Variants in FBXL13 observed in about 807,000 individuals in gnomAD.
FBXL13 encodes the protein F-box and leucine-rich repeat protein 13.
A neutral mutation model predicts 83.6 loss-of-function variants in FBXL13; 67 were observed. That is an observed-to-expected ratio of 0.80 (90% CI 0.66 to 0.98). FBXL13 has a LOEUF of 0.98. FBXL13 is among the 50% of genes least tolerant of loss of function. The pLI is 0.00. For missense variants in FBXL13, 822 were observed against 866.5 expected (o/e 0.95, Z 0.64); for synonymous variants, 272 against 299.5 (o/e 0.91, Z 0.95).
intron 6 of FBXL13, among the ~76,000 whole-genome samples, chr7:102,969,301 G>A (rs554933494): frequency 6.6e-6 from 1 of 152,214 alleles, no homozygotes; most frequent in South Asian, 2.1e-4. Flanking sequence ...GTAACATGCT[G>A]TACAGGCCTG....
chr7:102,822,162 A>T lies in FBXL13; in HGVS notation c.1896T>A (p.His632Gln), dbSNP rs1798886682. The change falls in exon 19 of 20, where the codon CAT becomes CAA. Residue 632 changes from histidine (H) to glutamine (Q), a missense_variant. Coordinates refer to ENST00000313221, the Ensembl canonical transcript of FBXL13. ...CAGAGATATCCAAAATGTGCAGGTA[A>T]TGGCATTTTGCCGATAACATCTCCA... is the stretch of plus-strand genomic sequence containing the variant. 3.7e-6 allele frequency: 6 copies of T among 1,614,184 alleles called. No homozygotes were observed. In the East Asian group the frequency reaches 1.3e-4, roughly 36 times the overall value.
intron 8 of FBXL13, among the ~76,000 whole-genome samples, chr7:102,940,213 G>T (rs28419283): frequency 0.017 from 2,288 of 136,712 alleles, 62 homozygotes; most frequent in African/African-American, 0.06. Context: ...GACTTTTTTT[G>T]TTTGTTTTTT....
chr7:102,884,079 AC>A, intron 12 of FBXL13, 134 bp downstream of exon 13: 1 of 660,526 alleles, frequency 1.5e-6, no homozygotes. Context: ...ATGTGTGGAA[AC>A]TTTTCAATGA....
intron 18 of FBXL13, among the ~76,000 whole-genome samples, chr7:102,823,858 G>A (rs1201665134): frequency 6.6e-6 from 1 of 152,086 alleles, no homozygotes; most frequent in African/African-American, 2.4e-5. Flanking sequence ...ACACGCTCAG[G>A]ACCAAGGTTA....
At chr7:102,814,005 G>A (rs1226477497) in intron 19 of FBXL13, among the ~76,000 whole-genome samples, 6 of 151,984 alleles carry the variant, frequency 3.9e-5, no homozygotes, top group Non-Finnish European at 8.8e-5. Context: ...AGTTCATGCA[G>A]TTTTGTCTAT....
chr7:102,923,027 G>C (rs1301775722), intron 10 of FBXL13, among the ~76,000 whole-genome samples: 1 of 152,030 alleles, frequency 6.6e-6, no homozygotes, highest in Non-Finnish European at 1.5e-5. Flanking sequence ...ATTGAAGAAT[G>C]ATTACAGTTC....
intron 1 of FBXL13, among the ~76,000 whole-genome samples, chr7:103,066,446 T>C (rs1320859134): frequency 2.6e-5 from 4 of 151,802 alleles, no homozygotes; most frequent in South Asian, 2.1e-4. Context: ...GGCTGGAATG[T>C]AGCGGTGCGA....
exon 13 of FBXL13, chr7:102,883,654 G>A (rs772271911): frequency 2.7e-5 from 44 of 1,609,614 alleles, no homozygotes; most frequent in South Asian, 8.8e-5. Flanking sequence ...GAAAACCAGC[G>A]ATGTAATACG....
chr7:102,963,406 G>T (rs1825590742), intron 8 of FBXL13, 127 bp downstream of exon 9: 2 of 1,090,452 alleles, frequency 1.8e-6, no homozygotes, highest in Admixed American at 2.8e-5. Flanking sequence ...TTATTAAATG[G>T]TTATAATTGG....
At position 103,045,496 on chromosome 7, in the gene FBXL13, A is replaced by G. The variant is rs116746864; in HGVS notation, c.-1+10148T>C. 1.1e-3 allele frequency among the ~76,000 whole-genome samples: 167 copies of G among 152,336 alleles called. 1 individual carries two copies. Among genetic ancestry groups the G allele is most frequent in the African/African-American group, 4.0e-3 (165 of 41,588 alleles). On this transcript the variant is annotated intron_variant, in intron 2 of 19. Coordinates refer to ENST00000313221, the Ensembl canonical transcript of FBXL13. ...TGTAAAAGTACTTATTTGGTCTTGA[A>G]ACATACTGGGAAACAGTAGAACATT... is the stretch of plus-strand genomic sequence containing the variant.
At chr7:102,926,237 A>T in intron 10 of FBXL13, 37 bp downstream of exon 11, 1 of 1,581,400 alleles carries the variant, frequency 6.3e-7, no homozygotes, top group Non-Finnish European at 8.6e-7. Context: ...TGGGAGCATA[A>T]TTTTTTTCAG....
At chr7:103,068,603 C>T (rs1798620537) in intron 1 of FBXL13, among the ~76,000 whole-genome samples, 1 of 152,156 alleles carries the variant, frequency 6.6e-6, no homozygotes, top group Admixed American at 6.5e-5. Flanking sequence ...TGCACAGCTG[C>T]TTTTTTTCCC....
intron 6 of FBXL13, among the ~76,000 whole-genome samples, chr7:103,014,897 C>T (rs1410275283): frequency 7.7e-6 from 1 of 129,716 alleles, no homozygotes; most frequent in Non-Finnish European, 1.6e-5. Context: ...GCACTCCAGC[C>T]TGGGCGACAG....
chr7:102,924,643 T>TG (rs1817708993), intron 10 of FBXL13, among the ~76,000 whole-genome samples: 1 of 145,126 alleles, frequency 6.9e-6, no homozygotes, highest in Admixed American at 6.9e-5. Context: ...AAGCTTTTCT[T>TG]TTTTTTTTTT....
intron 16 of FBXL13, among the ~76,000 whole-genome samples, chr7:102,856,984 C>A (rs1358531521): frequency 6.6e-6 from 1 of 152,182 alleles, no homozygotes; most frequent in Non-Finnish European, 1.5e-5. Context: ...ATGCATTCTT[C>A]AACAAATGGT....
rs114619550 is a variant in FBXL13 at position 103,032,821 on chromosome 7, C to T, written c.1-3403G>A. Among the ~76,000 whole-genome samples, 860 of 152,190 alleles carry T rather than the reference C, an allele frequency of 5.7e-3. 15 individuals are homozygous for T. Among genetic ancestry groups the T allele is most frequent in the African/African-American group, 0.019 (809 of 41,518 alleles). ...GAGGTGGGAGGATCCCTCGAGCTCA[C>T]GACTTAAAGAGTAGCCTCGGCAACA... On this transcript the variant is annotated intron_variant, in intron 2 of 19. Coordinates refer to ENST00000313221, the Ensembl canonical transcript of FBXL13.
intron 8 of FBXL13, among the ~76,000 whole-genome samples, chr7:102,945,425 C>A (rs923517231): frequency 6.6e-6 from 1 of 151,920 alleles, no homozygotes; most frequent in Non-Finnish European, 1.5e-5. Context: ...GCTAGTATGT[C>A]GAGGAGCATA....
intron 11 of FBXL13, among the ~76,000 whole-genome samples, chr7:102,910,251 AG>A (rs1291328212): frequency 2.6e-5 from 4 of 152,012 alleles, no homozygotes; most frequent in African/African-American, 7.3e-5. Context: ...ACCATGTTGG[AG>A]GGGTGGCACT....
intron 6 of FBXL13, among the ~76,000 whole-genome samples, chr7:103,002,441 T>G (rs1485983427): frequency 6.6e-6 from 1 of 152,232 alleles, no homozygotes; most frequent in East Asian, 1.9e-4. Flanking sequence ...GAGTTGATTA[T>G]ACACCATGAC....
Sources: allele counts gnomAD v4.1 joint callset (sites outside exome capture counted in the v4.1 genomes callset), GRCh38; gene constraint gnomAD v4.1.1; transcripts MANE v1.5; gene names NCBI Gene and HGNC (gene_info 2026-07-23, HGNC 2026-07-21).